ELOVL6: variants seen among roughly 807,000 people sequenced by gnomAD.
ELOVL6 encodes very long chain fatty acid elongase 6.
In ELOVL6, 8 loss-of-function variants were observed where a neutral mutation model predicts 31.7. The observed-to-expected ratio is 0.25, with a 90% CI of 0.15 to 0.45. The LOEUF is 0.45. Among genes scored for constraint, ELOVL6 ranks in the 20% least tolerant of loss-of-function variants. The pLI, the probability that ELOVL6 is intolerant of heterozygous loss-of-function variation, is 1.00. For missense variants in ELOVL6, 126 were observed against 326.4 expected (o/e 0.39, Z 4.73); for synonymous variants, 101 against 117.7 (o/e 0.86, Z 0.92).
At chr4:110,192,616 T>G (rs1316916175) in intron 1 of ELOVL6, among the ~76,000 whole-genome samples, 1 of 152,240 alleles carries the variant, frequency 6.6e-6, no homozygotes, top group South Asian at 2.1e-4. Context: ...TGCATTAAGC[T>G]GGCTTTCATC....
intron 1 of ELOVL6, among the ~76,000 whole-genome samples, chr4:110,106,295 A>C (rs191140692): frequency 1.3e-3 from 197 of 152,310 alleles, no homozygotes; most frequent in African/African-American, 4.5e-3. Flanking sequence ...CAGAGGTTGC[A>C]ATGAGCTGAG....
At chr4:110,086,376 A>G (rs574271285) in intron 2 of ELOVL6, among the ~76,000 whole-genome samples, 2 of 152,212 alleles carry the variant, frequency 1.3e-5, no homozygotes, top group South Asian at 4.1e-4. Flanking sequence ...TATATACAAT[A>G]TTAAGGAGGA....
intron 2 of ELOVL6, among the ~76,000 whole-genome samples, chr4:110,074,733 C>T (rs1325593684): frequency 1.3e-5 from 2 of 152,062 alleles, no homozygotes; most frequent in African/African-American, 2.4e-5. Context: ...ACATAATAAA[C>T]ATTTTTTAAA....
chr4:110,104,401 A>T (rs1050863733), intron 2 of ELOVL6, among the ~76,000 whole-genome samples: 2 of 152,178 alleles, frequency 1.3e-5, no homozygotes, highest in African/African-American at 4.8e-5. Flanking sequence ...CTGAAATAAA[A>T]AGTATATTCA....
Position 110,051,761 on chromosome 4 carries a change from T to C in ELOVL6, c.375A>G (p.Gly125=), listed in dbSNP as rs767001835. Residue 125 remains glycine, a splice_region_variant and synonymous_variant, in exon 4 of 4, where the codon GGA becomes GGG. Transcript: ENST00000302274. This position sits in a 1 kb window ranked among gnomAD's most constrained non-coding sequence, Gnocchi z 4.8. ...TCCTCAGAATAATGAATATTGTATC[T>C]CCTGGAAGACAAAGAGGAAGAAGGT... ...AFVLSKAPEL[G]DTIFIILRKQ... 2 of 1,610,596 alleles carry C rather than the reference T, an allele frequency of 1.2e-6. No individual in the cohort carries two copies. The highest frequency in any genetic ancestry group is 1.7e-6 in the Non-Finnish European group (2 of 1,178,470).
At chr4:110,117,428 A>G (rs1275735981) in intron 1 of ELOVL6, among the ~76,000 whole-genome samples, 1 of 152,218 alleles carries the variant, frequency 6.6e-6, no homozygotes, top group Non-Finnish European at 1.5e-5. Context: ...GAGTAAATAA[A>G]GCAAGCTTCT....
chr4:110,114,203 T>C (rs2126250511), intron 1 of ELOVL6, among the ~76,000 whole-genome samples: 1 of 152,328 alleles, frequency 6.6e-6, no homozygotes, highest in Non-Finnish European at 1.5e-5. Flanking sequence ...CTAAACTTTA[T>C]CTCCTATAGC....
intron 1 of ELOVL6, among the ~76,000 whole-genome samples, chr4:110,196,514 G>A (rs927190393): frequency 2.6e-5 from 4 of 152,298 alleles, no homozygotes; most frequent in African/African-American, 4.8e-5. Context: ...GAGGGGCCTC[G>A]GCTGCCCCGA....
intron 2 of ELOVL6, among the ~76,000 whole-genome samples, chr4:110,097,771 A>G (rs868504527): frequency 6.6e-6 from 1 of 150,658 alleles, no homozygotes; most frequent in Non-Finnish European, 1.5e-5. Flanking sequence ...TTCTCCAAAG[A>G]AAACTGTCTT....
chr4:110,136,819 C>T (rs1246066287), intron 1 of ELOVL6, among the ~76,000 whole-genome samples: 1 of 152,146 alleles, frequency 6.6e-6, no homozygotes, highest in African/African-American at 2.4e-5. Context: ...CACCCATATC[C>T]TATAACACAG....
At chr4:110,122,723 C>A (rs928669347) in intron 1 of ELOVL6, among the ~76,000 whole-genome samples, 3 of 152,208 alleles carry the variant, frequency 2.0e-5, no homozygotes, top group Non-Finnish European at 4.4e-5. Context: ...TCTCCCTACT[C>A]CTCTGGAATC....
At chr4:110,191,293 A>T (rs535976840) in intron 1 of ELOVL6, among the ~76,000 whole-genome samples, 1 of 152,362 alleles carries the variant, frequency 6.6e-6, no homozygotes, top group African/African-American at 2.4e-5. Context: ...GAATGAAGTT[A>T]TGAGTTTTAA....
chr4:110,088,117 G>A (rs543219846), intron 2 of ELOVL6, among the ~76,000 whole-genome samples: 2 of 152,306 alleles, frequency 1.3e-5, no homozygotes, highest in African/African-American at 4.8e-5. Context: ...TTGACCCTCA[G>A]TTTGGAAACT....
chr4:110,146,502 T>C (rs1306541310), intron 1 of ELOVL6: 1 of 152,948 alleles, frequency 6.5e-6, no homozygotes, highest in Non-Finnish European at 1.5e-5. Context: ...CCACTAAGTA[T>C]CTGAAAAATG....
At chr4:110,070,662 G>A (rs1404218920) in intron 2 of ELOVL6, among the ~76,000 whole-genome samples, 4 of 152,114 alleles carry the variant, frequency 2.6e-5, no homozygotes, top group African/African-American at 9.7e-5. Context: ...TGGAGGGGTG[G>A]ACTTCCCCCT....
At position 110,098,529 on chromosome 4, in the gene ELOVL6, T is replaced by G. The variant is rs1578479475; in HGVS notation, c.221+6968A>C. Among the ~76,000 whole-genome samples the G allele has an allele frequency of 2.6e-5, 4 of 152,288 alleles. No individual in the cohort carries two copies. In the South Asian group the frequency reaches 8.3e-4, roughly 32 times the overall value. ...TGTAATGAAATGTTACAAAAGGAAT[T>G]GAAGCCCCCTTTGGACTCTCTCTGG... On this transcript the variant is annotated intron_variant, in intron 2 of 3. Transcript: ENST00000302274.
intron 1 of ELOVL6, among the ~76,000 whole-genome samples, chr4:110,196,593 C>A (rs879618288): frequency 6.6e-6 from 1 of 152,256 alleles, no homozygotes; most frequent in Non-Finnish European, 1.5e-5. Flanking sequence ...CCCTGCACCC[C>A]CTGGCCTCAG....
chr4:110,142,914 G>A (rs1244202340), intron 1 of ELOVL6, among the ~76,000 whole-genome samples: 4 of 152,090 alleles, frequency 2.6e-5, no homozygotes, highest in Non-Finnish European at 5.9e-5. Context: ...TAAAATGATT[G>A]TTGACTTGTT....
At chr4:110,117,903 A>AAAAATATATATATAT in intron 1 of ELOVL6, 3 of 6,502 alleles carry the variant, frequency 4.6e-4, no homozygotes, top group Admixed American at 3.8e-3. Context: ...AAAAAAAAAA[A>AAAAATATATATATAT]ATATATATAT....
Sources: allele counts gnomAD v4.1 joint callset (sites outside exome capture counted in the v4.1 genomes callset), GRCh38; gene constraint gnomAD v4.1.1; non-coding constraint Gnocchi (gnomAD v3.1); transcripts MANE v1.5; gene names NCBI Gene and HGNC (gene_info 2026-07-23, HGNC 2026-07-21).